Variants in PLEKHA7 observed in about 807,000 individuals in gnomAD.
PLEKHA7 encodes pleckstrin homology domain-containing family A member 7.
A neutral mutation model predicts 170.0 loss-of-function variants in PLEKHA7; 104 were observed. That is an observed-to-expected ratio of 0.61 (90% CI 0.52 to 0.72). The LOEUF is 0.72. PLEKHA7 is among the 30% of genes least tolerant of loss of function. The pLI is 0.00. For missense variants in PLEKHA7, 1,615 were observed against 1,671.7 expected, an observed-to-expected ratio of 0.97 and a Z score of 0.59; for synonymous variants, 648 against 660.8, an observed-to-expected ratio of 0.98 and a Z score of 0.30.
intron 3 of PLEKHA7, among the ~76,000 whole-genome samples, chr11:16,941,356 T>C (rs1412463646): frequency 2.0e-5 from 3 of 152,224 alleles, no homozygotes; most frequent in African/African-American, 4.8e-5. Flanking sequence ...GGCTGCTCTA[T>C]TGAACACCTG....
At chr11:16,956,233 G>A (rs1354119841) in intron 3 of PLEKHA7, among the ~76,000 whole-genome samples, 1 of 152,138 alleles carries the variant, frequency 6.6e-6, no homozygotes, top group Non-Finnish European at 1.5e-5. Context: ...TGCCCAGGCT[G>A]GATTTGAACT....
intron 26 of PLEKHA7, among the ~76,000 whole-genome samples, chr11:16,779,884 C>T: frequency 6.6e-6 from 1 of 151,856 alleles, no homozygotes; most frequent in South Asian, 2.1e-4. Context: ...GAACTCACAT[C>T]AAAGGGGTTC....
Position 16,987,005 on chromosome 11 carries a change from C to T in PLEKHA7, c.221+26984G>A, listed in dbSNP as rs10832708. Among the ~76,000 whole-genome samples, 19 of 152,312 alleles carry T rather than the reference C, an allele frequency of 1.2e-4. No individual in the cohort carries two copies. In the East Asian group the frequency reaches 3.5e-3, roughly 28 times the overall value. ...AGTCTTACTGCCCAGCCCAACCCAG[C>T]CCAGGGAAGGCGGAGAGGAAGCAGT... On this transcript the variant is annotated intron_variant, in intron 3 of 26. Transcript: ENST00000531066.
At chr11:16,913,646 C>A (rs2136178509) in intron 3 of PLEKHA7, among the ~76,000 whole-genome samples, 1 of 152,338 alleles carries the variant, frequency 6.6e-6, no homozygotes, top group African/African-American at 2.4e-5. Flanking sequence ...CACAGATGAA[C>A]TTCCTGACAG....
At chr11:17,006,316 G>A (rs1206628782) in intron 3 of PLEKHA7, among the ~76,000 whole-genome samples, 3 of 129,934 alleles carry the variant, frequency 2.3e-5, no homozygotes, top group Non-Finnish European at 4.9e-5. Context: ...CAACAAGAAT[G>A]AAACTCCATC....
At chr11:16,909,489 G>C (rs947598393) in intron 3 of PLEKHA7, among the ~76,000 whole-genome samples, 3 of 152,228 alleles carry the variant, frequency 2.0e-5, no homozygotes, top group Non-Finnish European at 4.4e-5. Context: ...GAAGGCAGCG[G>C]TAGTACCCTA....
At chr11:16,995,047 C>A (rs1182748164) in intron 3 of PLEKHA7, among the ~76,000 whole-genome samples, 1 of 152,220 alleles carries the variant, frequency 6.6e-6, no homozygotes, top group African/African-American at 2.4e-5. Flanking sequence ...ATATCCTACA[C>A]ACAGTAGTAC....
intron 3 of PLEKHA7, among the ~76,000 whole-genome samples, chr11:16,901,072 C>T (rs1857301813): frequency 6.6e-6 from 1 of 152,126 alleles, no homozygotes; most frequent in Non-Finnish European, 1.5e-5. Flanking sequence ...GTCTCGAACT[C>T]CTGACCTCAG....
At chr11:16,955,536 G>A (rs573247576) in intron 3 of PLEKHA7, among the ~76,000 whole-genome samples, 8 of 152,174 alleles carry the variant, frequency 5.3e-5, no homozygotes, top group South Asian at 2.1e-4. Flanking sequence ...AGGTGTTTGC[G>A]TTAATCAAAT....
At chr11:16,873,965 C>A (rs1855080485) in intron 3 of PLEKHA7, among the ~76,000 whole-genome samples, 1 of 152,290 alleles carries the variant, frequency 6.6e-6, no homozygotes, top group South Asian at 2.1e-4. Flanking sequence ...CCACTCCTGG[C>A]CCAGCTTTTT....
intron 3 of PLEKHA7, among the ~76,000 whole-genome samples, chr11:16,912,294 G>T (rs1858305515): frequency 6.6e-6 from 1 of 152,178 alleles, no homozygotes; most frequent in Non-Finnish European, 1.5e-5. Flanking sequence ...GCAGCCAGGG[G>T]TGGCACTCAC....
intron 3 of PLEKHA7, among the ~76,000 whole-genome samples, chr11:16,888,175 G>A (rs542835078): frequency 1.1e-3 from 165 of 152,172 alleles, no homozygotes; most frequent in African/African-American, 4.0e-3. Flanking sequence ...CCCCCTCTGG[G>A]AAGTGAGGAG....
At chr11:16,857,506 C>A (rs552669381) in intron 4 of PLEKHA7, among the ~76,000 whole-genome samples, 1 of 152,382 alleles carries the variant, frequency 6.6e-6, no homozygotes, top group African/African-American at 2.4e-5. Flanking sequence ...CAGGAAGAGG[C>A]TCCAAGAGGC....
intron 10 of PLEKHA7, among the ~76,000 whole-genome samples, chr11:16,820,874 G>A (rs1850161049): frequency 6.6e-6 from 1 of 152,192 alleles, no homozygotes; most frequent in Non-Finnish European, 1.5e-5. Context: ...GCAATGGTGA[G>A]CCCTGGCTCT....
chr11:16,925,273 T>A (rs1368240844), intron 3 of PLEKHA7, among the ~76,000 whole-genome samples: 1 of 152,160 alleles, frequency 6.6e-6, no homozygotes, highest in African/African-American at 2.4e-5. Context: ...GACCCGATTT[T>A]TAAAAACAAC....
At chr11:16,831,544 G>A (rs1476359915) in intron 9 of PLEKHA7, among the ~76,000 whole-genome samples, 5 of 152,170 alleles carry the variant, frequency 3.3e-5, no homozygotes, top group African/African-American at 1.2e-4. Context: ...TGCTACGATC[G>A]TGAACATCTG....
At chr11:16,924,584 G>A (rs1237009916) in intron 3 of PLEKHA7, among the ~76,000 whole-genome samples, 2 of 152,068 alleles carry the variant, frequency 1.3e-5, no homozygotes, top group Admixed American at 1.3e-4. Flanking sequence ...AAAAACTGAG[G>A]GATGCACCCT....
At chr11:16,994,111 T>A (rs909069314) in intron 3 of PLEKHA7, among the ~76,000 whole-genome samples, 1 of 152,194 alleles carries the variant, frequency 6.6e-6, no homozygotes, top group Admixed American at 6.5e-5. Context: ...CCCCTACACC[T>A]GCCCCTAGAA....
chr11:16,859,692 G>A (rs1280234154), intron 4 of PLEKHA7, among the ~76,000 whole-genome samples: 2 of 152,224 alleles, frequency 1.3e-5, no homozygotes, highest in Non-Finnish European at 2.9e-5. Context: ...TCCTCAGAAT[G>A]AGTGTACTCT....
Sources: allele counts gnomAD v4.1 joint callset (sites outside exome capture counted in the v4.1 genomes callset), GRCh38; gene constraint gnomAD v4.1.1; transcripts MANE v1.5; gene names NCBI Gene and HGNC (gene_info 2026-07-23, HGNC 2026-07-21).